Variants in MGST3 observed in about 807,000 individuals in gnomAD.
The protein encoded by MGST3 is glutathione S-transferase 3, mitochondrial.
A neutral mutation model predicts 15.8 loss-of-function variants in MGST3; 13 were observed. That is an observed-to-expected ratio of 0.82 (90% CI 0.54 to 1.31). The LOEUF (loss-of-function observed/expected upper bound fraction) is 1.31. MGST3 is among the 50% of genes most tolerant of loss of function. The pLI, the probability that MGST3 is intolerant of heterozygous loss-of-function variation, is 0.00. For missense variants in MGST3, 155 were observed against 192.4 expected, an observed-to-expected ratio of 0.81 and a Z score of 1.15; for synonymous variants, 49 against 68.1, an observed-to-expected ratio of 0.72 and a Z score of 1.38.
At chr1:165,651,281 G>A (rs1648547446) in intron 3 of MGST3, 194 bp downstream of exon 3, 1 of 617,540 alleles carries the variant, frequency 1.6e-6, no homozygotes, top group South Asian at 1.9e-5. Context: ...GGTTGGAATG[G>A]TGGGATTTCG....
Position 165,654,333 on chromosome 1 carries a change from T to C in MGST3, c.304T>C (p.Tyr102His). ...GATTGTTGGACGAGTTCTTTATGCTTATGGCTATTACACGGGAGGTTAGTA... is the reference window on the plus strand; with the variant it reads ...GATTGTTGGACGAGTTCTTTATGCTCATGGCTATTACACGGGAGGTTAGTA... ...AWIVGRVLYA[Y>H]GYYTGEPSKR... The change falls in exon 5 of 6, where the codon TAT becomes CAT. Residue 102 changes from tyrosine (Y) to histidine (H), a missense_variant. By Grantham distance (83) the Tyr-to-His change is moderately conservative. Coordinates refer to ENST00000367889, the MANE Select transcript of MGST3 (RefSeq NM_004528.4). The C allele has an allele frequency of 6.2e-7, 1 of 1,614,122 alleles. No homozygotes were observed. The highest frequency in any genetic ancestry group is 1.1e-5 in the South Asian group (1 of 91,072).
chr1:165,638,194 T>C (rs557901397), intron 1 of MGST3, among the ~76,000 whole-genome samples: 1 of 152,316 alleles, frequency 6.6e-6, no homozygotes, highest in East Asian at 1.9e-4. Flanking sequence ...TAAAACATTA[T>C]AGGGCCAGGA....
chr1:165,650,144 C>T, intron 2 of MGST3, 180 bp downstream of exon 2: 1 of 785,216 alleles, frequency 1.3e-6, no homozygotes, highest in Non-Finnish European at 2.0e-6. Flanking sequence ...AATACAGGGC[C>T]CTGCTAGGGA....
intron 4 of MGST3, 112 bp downstream of exon 4, chr1:165,652,147 C>A: frequency 1.2e-5 from 10 of 804,888 alleles, no homozygotes; most frequent in Non-Finnish European, 2.0e-5. Context: ...CTAGGCACTG[C>A]ATATTTAAAA....
At chr1:165,651,888 G>A (rs1445046680) in intron 3 of MGST3, 90 bp from the exon 4 acceptor site, 31 of 242,194 alleles carry the variant, frequency 1.3e-4, no homozygotes, top group Non-Finnish European at 2.0e-4. Context: ...GAGACACTCC[G>A]TCTCAAAAAA....
In MGST3 at chr1:165,655,570, T is replaced by G; in HGVS notation, c.*66T>G. 1 of 1,591,664 alleles carries G rather than the reference T, an allele frequency of 6.3e-7. No homozygotes were observed. The highest frequency in any genetic ancestry group is 1.4e-5 in the African/African-American group (1 of 73,918). Reference sequence around the variant, plus strand: ...ACTTACCTTTATTTCCAGTTACATTTTTTTTCTAAATATAATAAAAACTTA... The same window carrying G: ...ACTTACCTTTATTTCCAGTTACATTGTTTTTCTAAATATAATAAAAACTTA... On this transcript the variant is annotated 3_prime_UTR_variant, in exon 6 of 6. Coordinates refer to ENST00000367889, the MANE Select transcript of MGST3 (RefSeq NM_004528.4).
chr1:165,655,289 G>T, intron 5 of MGST3, 79 bp from the exon 6 acceptor site: 3 of 1,577,774 alleles, frequency 1.9e-6, no homozygotes, highest in South Asian at 1.1e-5. Flanking sequence ...CAGATGCGAT[G>T]ATAGAATGGC....
At chr1:165,650,746 C>T (rs375852518) in intron 2 of MGST3, 43 of 469,078 alleles carry the variant, frequency 9.2e-5, no homozygotes, top group African/African-American at 7.3e-4. Flanking sequence ...ATGAAAAGCA[C>T]GGAGTTTGGC....
At chr1:165,654,209 C>A in intron 4 of MGST3, 70 bp from the exon 5 acceptor site, 1 of 1,439,274 alleles carries the variant, frequency 6.9e-7, no homozygotes, top group South Asian at 1.1e-5. Flanking sequence ...ATTGTGTAAT[C>A]AACCCTAGGT....
At chr1:165,654,084 C>T in intron 4 of MGST3, 195 bp from the exon 5 acceptor site, 1 of 590,490 alleles carries the variant, frequency 1.7e-6, no homozygotes, top group Admixed American at 2.5e-5. Flanking sequence ...CAAGCCAAGC[C>T]ATTCATAGAA....
chr1:165,652,763 G>T (rs937444716), intron 4 of MGST3, among the ~76,000 whole-genome samples: 1 of 152,214 alleles, frequency 6.6e-6, no homozygotes. Flanking sequence ...CAGGAGAGGG[G>T]CAGCAACAGA....
In MGST3 at chr1:165,651,420, C is replaced by T. The variant is rs542410429; in HGVS notation, c.191+333C>T. 6.9e-4 allele frequency: 280 copies of T among 404,554 alleles called. 6 individuals are homozygous for T. The highest frequency in any genetic ancestry group is 6.0e-3 in the South Asian group (272 of 45,586). 25.1% of individuals were successfully genotyped at this position (404,554 alleles called of 1,614,324 possible). A position where few individuals can be genotyped will look rare whatever the true frequency, so the allele number is the denominator to read the frequency against. ...AGAGGTTTTGAATGCTGTAAGGAAA[C>T]CCACTCTGACTCACCAGGACCTTCC... On this transcript the variant is annotated intron_variant, in intron 3 of 5. Coordinates refer to ENST00000367889, the MANE Select transcript of MGST3 (RefSeq NM_004528.4).
At chr1:165,645,389 C>T (rs751053670) in intron 1 of MGST3, among the ~76,000 whole-genome samples, 3 of 152,082 alleles carry the variant, frequency 2.0e-5, no homozygotes, top group Non-Finnish European at 4.4e-5. Context: ...GACACACCTG[C>T]CATGTGTGGA....
At chr1:165,654,180 G>T in intron 4 of MGST3, 99 bp from the exon 5 acceptor site, 1 of 1,178,488 alleles carries the variant, frequency 8.5e-7, no homozygotes, top group African/African-American at 1.5e-5. Context: ...TCATCAAATT[G>T]TTAACTTTTT....
At chr1:165,637,109 C>G (rs1389655931) in intron 1 of MGST3, 1 of 152,054 alleles carries the variant, frequency 6.6e-6, no homozygotes, top group Admixed American at 6.6e-5. Flanking sequence ...GCACAGGCAG[C>G]CGAATAAGGA....
At chr1:165,638,931 A>T (rs1210217560) in intron 1 of MGST3, among the ~76,000 whole-genome samples, 1 of 152,190 alleles carries the variant, frequency 6.6e-6, no homozygotes, top group Non-Finnish European at 1.5e-5. Context: ...ATGAGGAAAG[A>T]GGCAAGGATG....
intron 1 of MGST3, among the ~76,000 whole-genome samples, chr1:165,645,364 G>A (rs779577587): frequency 1.2e-4 from 19 of 152,034 alleles, no homozygotes; most frequent in African/African-American, 1.2e-4. Context: ...TCTTGCCCCA[G>A]TGGAAGGTCA....
chr1:165,641,776 C>G (rs1407409526), intron 1 of MGST3, among the ~76,000 whole-genome samples: 2 of 152,202 alleles, frequency 1.3e-5, no homozygotes, highest in African/African-American at 4.8e-5. Flanking sequence ...CCTGCTATCT[C>G]TAGTCTTGTA....
Position 165,652,018 on chromosome 1 carries a change from G to A in MGST3, c.232G>A (p.Gly78Arg). The change falls in exon 4 of 6, where the codon GGA (glycine) becomes AGA (arginine). Residue 78 changes from glycine to arginine, a missense_variant. Coordinates refer to ENST00000367889, the MANE Select transcript of MGST3 (RefSeq NM_004528.4). ...YPPFLFFLAVGGVYHPRIASG... is the reference protein window; with the variant it reads ...YPPFLFFLAVRGVYHPRIASG... ...TCCCTTCTTATTTTTTCTAGCTGTTGGAGGTGTTTACCACCCGGTAAGTTT... is the reference window on the plus strand; with the variant it reads ...TCCCTTCTTATTTTTTCTAGCTGTTAGAGGTGTTTACCACCCGGTAAGTTT... 1 of 1,613,464 alleles carries A rather than the reference G, an allele frequency of 6.2e-7. No individual in the cohort carries two copies. The highest frequency in any genetic ancestry group is 8.5e-7 in the Non-Finnish European group (1 of 1,179,612).
Sources: gnomAD v4.1 joint callset for allele counts (sites outside exome capture counted in the v4.1 genomes callset) on GRCh38, gnomAD v4.1.1 for gene constraint, MANE v1.5 for transcripts, NCBI Gene and HGNC (gene_info 2026-07-23, HGNC 2026-07-21) for gene names.